Variants in ELOVL5 observed in about 807,000 individuals in gnomAD.
The protein encoded by ELOVL5 is very long chain fatty acid elongase 5.
In ELOVL5, 8 loss-of-function variants were observed where a neutral mutation model predicts 38.6. That is an observed-to-expected ratio of 0.21 (90% CI 0.12 to 0.37). The LOEUF (loss-of-function observed/expected upper bound fraction) is 0.37. ELOVL5 is among the 10% of genes least tolerant of loss of function. The probability of loss-of-function intolerance (pLI) is 1.00; values close to 1 mark genes in which losing one functional copy is unlikely to be tolerated. For synonymous variants in ELOVL5, 127 were observed against 133.7 expected (o/e 0.95, Z 0.34); for missense variants, 280 against 367.8 (o/e 0.76, Z 1.95).
chr6:53,269,344 T>A (rs1765843344), intron 7 of ELOVL5, 74 bp from the exon 8 acceptor site: 4 of 1,217,738 alleles, frequency 3.3e-6, no homozygotes, highest in African/African-American at 3.5e-5. Context: ...GAGAATTGCA[T>A]CCCTAACACT....
chr6:53,293,018 GACA>G (rs1467578096), intron 2 of ELOVL5, among the ~76,000 whole-genome samples: 2 of 152,106 alleles, frequency 1.3e-5, no homozygotes, highest in African/African-American at 4.8e-5. Context: ...GCAGCAAACT[GACA>G]ACCTCTTCTT....
chr6:53,304,085 T>A (rs1257671922), intron 1 of ELOVL5, among the ~76,000 whole-genome samples: 1 of 152,242 alleles, frequency 6.6e-6, no homozygotes, highest in Non-Finnish European at 1.5e-5. Flanking sequence ...CTGCAACTCC[T>A]TAGAGTCCAA....
chr6:53,291,088 C>A (rs959655191), intron 3 of ELOVL5, among the ~76,000 whole-genome samples: 17 of 152,258 alleles, frequency 1.1e-4, no homozygotes, highest in African/African-American at 3.9e-4. Flanking sequence ...GCTTTAAAGG[C>A]TATAGTGTTA....
chr6:53,313,197 T>TCA (rs1767910811), intron 1 of ELOVL5, among the ~76,000 whole-genome samples: 1 of 152,180 alleles, frequency 6.6e-6, no homozygotes. Context: ...TATCTCAGAG[T>TCA]CAGAATTATA....
rs138099231 is a variant in ELOVL5, at chr6:53,296,825, T to C, written c.-8-1118A>G. On this transcript the variant is annotated intron_variant, in intron 1 of 7. Transcript: ENST00000304434. ...AGGAATAATCATCAATATTATAACGTCCAAGGGCAAAGGCAGAACTGATTT... is the reference window on the plus strand; with the variant it reads ...AGGAATAATCATCAATATTATAACGCCCAAGGGCAAAGGCAGAACTGATTT... Among the ~76,000 whole-genome samples the C allele has an allele frequency of 1.7e-3, 259 of 152,332 alleles. 2 individuals are homozygous for C. Among genetic ancestry groups the C allele is most frequent in the African/African-American group, 6.0e-3 (249 of 41,574 alleles).
At chr6:53,333,183 C>CTGCT (rs1768881423) in intron 1 of ELOVL5, among the ~76,000 whole-genome samples, 1 of 152,164 alleles carries the variant, frequency 6.6e-6, no homozygotes, top group African/African-American at 2.4e-5. Flanking sequence ...CAACACTTAC[C>CTGCT]TGCTATAAAG....
chr6:53,347,579 C>CAATT (rs1769610360), intron 1 of ELOVL5, among the ~76,000 whole-genome samples: 1 of 152,150 alleles, frequency 6.6e-6, no homozygotes, highest in Admixed American at 6.5e-5. Context: ...CTCTTCCGTA[C>CAATT]AATTCTATGA....
intron 1 of ELOVL5, among the ~76,000 whole-genome samples, chr6:53,319,752 G>C (rs1581974876): frequency 6.6e-6 from 1 of 152,060 alleles, no homozygotes; most frequent in African/African-American, 2.4e-5. Flanking sequence ...CACTGTGCTG[G>C]TTCGGTATAA....
At chr6:53,295,807 C>A (rs1766972912) in intron 1 of ELOVL5, 100 bp from the exon 2 acceptor site, 2 of 736,512 alleles carry the variant, frequency 2.7e-6, no homozygotes, top group South Asian at 3.9e-5. Context: ...GAATATGCTA[C>A]AGACAAGGTT....
intron 3 of ELOVL5, among the ~76,000 whole-genome samples, chr6:53,279,051 G>A (rs1561864969): frequency 6.6e-6 from 1 of 152,164 alleles, no homozygotes; most frequent in Non-Finnish European, 1.5e-5. Context: ...GAAAGAGCAT[G>A]GGTTTGGGCA....
rs1383551794 is a variant in ELOVL5 at position 53,274,484 on chromosome 6, A to T, written c.496+606T>A. Among the ~76,000 whole-genome samples, 4 of 152,206 alleles carry T rather than the reference A, an allele frequency of 2.6e-5. 1 individual carries two copies. Among genetic ancestry groups the T allele is most frequent in the Admixed American group, 2.6e-4 (4 of 15,282 alleles). ...GTTTGGATGACGGGACTTTTGACTG[A>T]GACATTTGCTAAAACTCCCAGGCTG... On this transcript the variant is annotated intron_variant, in intron 5 of 7. Coordinates refer to ENST00000304434, the MANE Select transcript of ELOVL5 (RefSeq NM_021814.5).
At chr6:53,322,427 A>C (rs1768337936) in intron 1 of ELOVL5, among the ~76,000 whole-genome samples, 2 of 152,234 alleles carry the variant, frequency 1.3e-5, no homozygotes. Flanking sequence ...TCAATAAAGC[A>C]GTATAAAACA....
At chr6:53,336,149 A>C (rs913753827) in intron 1 of ELOVL5, among the ~76,000 whole-genome samples, 2 of 152,246 alleles carry the variant, frequency 1.3e-5, no homozygotes, top group Non-Finnish European at 2.9e-5. Context: ...TATATACCTC[A>C]TAATTCCTAC....
rs751645645 is a variant in ELOVL5 at position 53,276,205 on chromosome 6, G to A, written c.298C>T (p.Arg100Cys). 1.6e-5 allele frequency: 25 copies of A among 1,612,642 alleles called. No homozygotes were observed. Among genetic ancestry groups the A allele is most frequent in the Admixed American group, 3.3e-5 (2 of 59,996 alleles). ...GKYNFFCQGTRTAGESDMKII... is the reference protein window; with the variant it reads ...GKYNFFCQGTCTAGESDMKII... ...TTCATATCTGATTCTCCTGCGGTGC[G>A]TGTGCCCTGACAGAAGAAGTTGTAT... The change falls in exon 4 of 8, where the codon CGC becomes TGC. Residue 100 changes from arginine to cysteine, a missense_variant. Transcript: ENST00000304434.
chr6:53,318,537 C>T (rs2127585929), intron 1 of ELOVL5, among the ~76,000 whole-genome samples: 1 of 152,274 alleles, frequency 6.6e-6, no homozygotes, highest in South Asian at 2.1e-4. Flanking sequence ...CACATACTTC[C>T]AGCCTGGGCA....
chr6:53,339,241 G>T (rs1336737352), intron 1 of ELOVL5, among the ~76,000 whole-genome samples: 1 of 152,176 alleles, frequency 6.6e-6, no homozygotes, highest in East Asian at 1.9e-4. Context: ...TTTATCACCT[G>T]TTCAGATTCC....
At chr6:53,286,796 A>G (rs1766589731) in intron 3 of ELOVL5, among the ~76,000 whole-genome samples, 1 of 152,210 alleles carries the variant, frequency 6.6e-6, no homozygotes, top group South Asian at 2.1e-4. Context: ...GAGTTTAATT[A>G]GTATACCATT....
chr6:53,301,796 C>T (rs1345404948), intron 1 of ELOVL5, among the ~76,000 whole-genome samples: 1 of 152,222 alleles, frequency 6.6e-6, no homozygotes, highest in Non-Finnish European at 1.5e-5. Context: ...TAAAAAGCCG[C>T]TTCCCATTAT....
chr6:53,292,047 A>C, intron 2 of ELOVL5, 84 bp from the exon 3 acceptor site: 1 of 825,210 alleles, frequency 1.2e-6, no homozygotes, highest in Non-Finnish European at 1.8e-6. Context: ...CCATGATGAT[A>C]TAAAAGTCAC....
Sources: gnomAD v4.1 joint callset for allele counts (sites outside exome capture counted in the v4.1 genomes callset) on GRCh38, gnomAD v4.1.1 for gene constraint, MANE v1.5 for transcripts, NCBI Gene and HGNC (gene_info 2026-07-23, HGNC 2026-07-21) for gene names.